ADAMTS12: variants seen among roughly 807,000 people sequenced by gnomAD.
The protein encoded by ADAMTS12 is ADAM metallopeptidase with thrombospondin type 1 motif 12.
Under a neutral mutation model 167.8 loss-of-function variants are expected in ADAMTS12, and 118 were observed. The ratio of observed to expected loss-of-function variants is 0.70; its 90% CI spans 0.61 to 0.82. ADAMTS12 has a LOEUF of 0.82. Among genes scored for constraint, ADAMTS12 ranks in the 40% least tolerant of loss-of-function variants. The pLI, the probability that ADAMTS12 is intolerant of heterozygous loss-of-function variation, is 0.00. For synonymous variants in ADAMTS12, 704 were observed against 716.9 expected (o/e 0.98, Z 0.29); for missense variants, 1,916 against 1,998.8 (o/e 0.96, Z 0.79).
At chr5:33,672,146 C>G (rs1219343986) in intron 5 of ADAMTS12, among the ~76,000 whole-genome samples, 3 of 151,134 alleles carry the variant, frequency 2.0e-5, no homozygotes, top group Non-Finnish European at 4.4e-5. Context: ...CATACACACA[C>G]ACATCCACAT....
Position 33,660,139 on chromosome 5 carries a change from C to T in ADAMTS12, c.1040+1777G>A, listed in dbSNP as rs76774969. Among the ~76,000 whole-genome samples, 564 of 152,324 alleles carry T rather than the reference C, an allele frequency of 3.7e-3. 6 individuals are homozygous for T. The highest frequency in any genetic ancestry group is 0.013 in the African/African-American group (552 of 41,568). ...GCTATAGAACTTGAAATGCTCTCCA[C>T]TGTCTAGGAGCTGTTGAGGTTCAAC... On this transcript the variant is annotated intron_variant, in intron 6 of 23. Coordinates refer to ENST00000504830, the MANE Select transcript of ADAMTS12 (RefSeq NM_030955.4).
intron 2 of ADAMTS12, among the ~76,000 whole-genome samples, chr5:33,797,426 A>G (rs2112467049): frequency 8.2e-6 from 1 of 121,956 alleles, no homozygotes; most frequent in East Asian, 2.1e-4. Flanking sequence ...GCACTTTGAT[A>G]AATCTTTTCT....
At chr5:33,749,751 T>C (rs779267259) in intron 3 of ADAMTS12, among the ~76,000 whole-genome samples, 11 of 152,302 alleles carry the variant, frequency 7.2e-5, no homozygotes, top group African/African-American at 1.4e-4. Context: ...TATGCCCTAA[T>C]AGGGGGCCAT....
intron 2 of ADAMTS12, among the ~76,000 whole-genome samples, chr5:33,825,792 C>T (rs906165223): frequency 5.3e-5 from 8 of 152,144 alleles, no homozygotes; most frequent in East Asian, 1.9e-4. Context: ...TAAGACCAAA[C>T]GGCAAGCAAT....
intron 16 of ADAMTS12, among the ~76,000 whole-genome samples, chr5:33,598,079 CTGGGAGATGAA>C (rs2112040964): frequency 1.3e-5 from 2 of 152,302 alleles, no homozygotes; most frequent in East Asian, 3.9e-4. Context: ...ACTGCACCAG[CTGGGAGATGAA>C]TGGATAGGCC....
At chr5:33,628,046 T>A (rs1739743350) in intron 13 of ADAMTS12, among the ~76,000 whole-genome samples, 1 of 152,128 alleles carries the variant, frequency 6.6e-6, no homozygotes, top group Non-Finnish European at 1.5e-5. Context: ...CAGAACCTTA[T>A]CCAGAACTGG....
chr5:33,818,027 A>C (rs1561288169), intron 2 of ADAMTS12, among the ~76,000 whole-genome samples: 1 of 152,166 alleles, frequency 6.6e-6, no homozygotes, highest in African/African-American at 2.4e-5. Context: ...TGAGGTTTAC[A>C]ACATAGGATA....
chr5:33,738,196 C>A (rs1030666826), intron 3 of ADAMTS12, among the ~76,000 whole-genome samples: 3 of 152,166 alleles, frequency 2.0e-5, no homozygotes, highest in Admixed American at 1.3e-4. Context: ...GCCTCCCCAT[C>A]TTAGAAGGCC....
At chr5:33,669,094 G>C (rs1741579391) in intron 5 of ADAMTS12, among the ~76,000 whole-genome samples, 1 of 151,904 alleles carries the variant, frequency 6.6e-6, no homozygotes, top group East Asian at 1.9e-4. Context: ...GAAAAACAAT[G>C]GTCTGAAAGT....
chr5:33,867,615 A>AAAATACACACACACACACAGCAC lies in ADAMTS12; in HGVS notation c.489+13481_489+13503dup, dbSNP rs1285184475. Among the ~76,000 whole-genome samples, 4 of 127,470 alleles carry AAAATACACACACACACACAGCAC rather than the reference A, an allele frequency of 3.1e-5. No homozygotes were observed. The East Asian group carries it at 9.6e-4, about 31-fold the overall frequency. 83.6% of individuals were successfully genotyped at this position (127,470 alleles called of 152,430 possible). On this transcript the variant is annotated intron_variant, in intron 2 of 23. Coordinates refer to ENST00000504830, the MANE Select transcript of ADAMTS12 (RefSeq NM_030955.4). ...TTATACCCCAAAAGCTATTGAAATA[A>AAAATACACACACACACACAGCAC]AAATACACACACACACACAGCACAA...
At chr5:33,609,368 C>CTTT (rs66470839) in intron 16 of ADAMTS12, among the ~76,000 whole-genome samples, 2 of 141,330 alleles carry the variant, frequency 1.4e-5, no homozygotes, top group Admixed American at 7.1e-5. Flanking sequence ...AAAAATTTAA[C>CTTT]TTTTTTTTTT....
intron 5 of ADAMTS12, among the ~76,000 whole-genome samples, chr5:33,680,471 C>CA (rs143926155): frequency 0.053 from 7,999 of 151,190 alleles, 435 homozygotes; most frequent in East Asian, 0.17. Context: ...AGTTCAAACC[C>CA]AGGATTTTTC....
intron 2 of ADAMTS12, among the ~76,000 whole-genome samples, chr5:33,815,730 A>C (rs1475230546): frequency 3.3e-5 from 5 of 152,196 alleles, no homozygotes; most frequent in African/African-American, 1.2e-4. Flanking sequence ...CATAGTCCTG[A>C]AAGCAGGAAA....
chr5:33,570,993 C>A (rs1348151845), intron 19 of ADAMTS12, among the ~76,000 whole-genome samples: 13 of 151,316 alleles, frequency 8.6e-5, no homozygotes, highest in African/African-American at 3.2e-4. Context: ...TCAAAAGAGA[C>A]AAAGAAGGCC....
chr5:33,812,269 AC>A (rs1747489841), intron 2 of ADAMTS12, among the ~76,000 whole-genome samples: 1 of 152,226 alleles, frequency 6.6e-6, no homozygotes. Flanking sequence ...AGCCTGGGTG[AC>A]AGAGCAAGAC....
intron 17 of ADAMTS12, among the ~76,000 whole-genome samples, chr5:33,590,259 T>C (rs4866431): frequency 6.6e-6 from 1 of 152,228 alleles, no homozygotes; most frequent in Admixed American, 6.5e-5. Context: ...GACGTTCTTG[T>C]TTTCTCTTCT....
At chr5:33,682,636 T>C (rs1742166929) in intron 5 of ADAMTS12, among the ~76,000 whole-genome samples, 1 of 152,230 alleles carries the variant, frequency 6.6e-6, no homozygotes, top group African/African-American at 2.4e-5. Context: ...GTGTTAAATA[T>C]GCAAGAAGTA....
chr5:33,720,132 A>C (rs1743755515), intron 3 of ADAMTS12, among the ~76,000 whole-genome samples: 1 of 152,140 alleles, frequency 6.6e-6, no homozygotes, highest in African/African-American at 2.4e-5. Context: ...GCTATCCAGA[A>C]ACTCAAAATT....
intron 19 of ADAMTS12, among the ~76,000 whole-genome samples, chr5:33,563,822 C>T (rs562487877): frequency 1.3e-5 from 2 of 152,216 alleles, no homozygotes; most frequent in South Asian, 2.1e-4. Context: ...CCTATGTGCC[C>T]GACACTCTTC....
Sources: gnomAD v4.1 joint callset for allele counts (sites outside exome capture counted in the v4.1 genomes callset) on GRCh38, gnomAD v4.1.1 for gene constraint, MANE v1.5 for transcripts, NCBI Gene and HGNC (gene_info 2026-07-23, HGNC 2026-07-21) for gene names.